The following EYS variants were observed in gnomAD, a reference collection of about 807,000 sequenced individuals.
The protein encoded by EYS is EGF-like photoreceptor maintenance factor, also known as protein eyes shut homolog.
Under a neutral mutation model 282.1 loss-of-function variants are expected in EYS, and 250 were observed. The observed-to-expected ratio is 0.89, with a 90% CI of 0.80 to 0.98. The LOEUF (loss-of-function observed/expected upper bound fraction) is 0.98. Ranked by LOEUF, EYS falls within the 50% of genes least tolerant of loss-of-function variation. The probability of loss-of-function intolerance (pLI) is 0.00; values close to 1 mark genes in which losing one functional copy is unlikely to be tolerated. For synonymous variants in EYS, 1,355 were observed against 1,282.9 expected, an observed-to-expected ratio of 1.06 and a Z score of -1.20; for missense variants, 4,016 against 3,709.0, an observed-to-expected ratio of 1.08 and a Z score of -2.15.
chr6:63,882,035 G>A (rs1482535320), intron 35 of EYS, among the ~76,000 whole-genome samples: 1 of 152,172 alleles, frequency 6.6e-6, no homozygotes, highest in Non-Finnish European at 1.5e-5. Flanking sequence ...TTAAAAAGAA[G>A]AGACACACTA....
intron 31 of EYS, among the ~76,000 whole-genome samples, chr6:64,167,718 T>C (rs1582372993): frequency 6.6e-6 from 1 of 152,238 alleles, no homozygotes; most frequent in East Asian, 1.9e-4. Context: ...ATTATATTAA[T>C]GAAAAGATAA....
chr6:64,886,655 G>C (rs533292568), intron 19 of EYS, 42 bp downstream of exon 19: 1 of 1,451,218 alleles, frequency 6.9e-7, no homozygotes, highest in East Asian at 2.8e-5. Flanking sequence ...TTTGCTTGCA[G>C]ACAGAAATAT....
chr6:64,117,428 T>A (rs966725669), intron 31 of EYS, among the ~76,000 whole-genome samples: 13 of 151,144 alleles, frequency 8.6e-5, no homozygotes, highest in African/African-American at 2.9e-4. Context: ...AACTAAGAGT[T>A]GGTTTTTTAA....
intron 12 of EYS, among the ~76,000 whole-genome samples, chr6:65,253,885 C>T (rs1453919603): frequency 6.6e-6 from 1 of 151,564 alleles, no homozygotes; most frequent in Admixed American, 6.6e-5. Context: ...ATTTTTCAGG[C>T]ATTTCCCCCA....
intron 2 of EYS, among the ~76,000 whole-genome samples, chr6:65,573,961 T>C (rs1465535814): frequency 6.6e-6 from 1 of 152,170 alleles, no homozygotes; most frequent in African/African-American, 2.4e-5. Context: ...GTCCTGGGGC[T>C]GCTCTAACAC....
intron 12 of EYS, among the ~76,000 whole-genome samples, chr6:65,167,496 T>C (rs1765001056): frequency 6.6e-6 from 1 of 151,256 alleles, no homozygotes. Context: ...TACTTTTAAA[T>C]TAAAGATCAC....
chr6:65,085,467 C>T (rs1334193344), intron 12 of EYS, among the ~76,000 whole-genome samples: 1 of 152,144 alleles, frequency 6.6e-6, no homozygotes, highest in Non-Finnish European at 1.5e-5. Context: ...CATCACTGTG[C>T]TTCAAGCCAG....
intron 31 of EYS, among the ~76,000 whole-genome samples, chr6:64,175,137 C>T (rs1022531708): frequency 1.2e-4 from 18 of 152,092 alleles, no homozygotes; most frequent in African/African-American, 4.1e-4. Flanking sequence ...GAATAAGTAT[C>T]TTCTCTTTAG....
intron 26 of EYS, among the ~76,000 whole-genome samples, chr6:64,478,429 A>G (rs1005750532): frequency 6.6e-6 from 1 of 151,528 alleles, no homozygotes; most frequent in Non-Finnish European, 1.5e-5. Flanking sequence ...ATGTTTTTAA[A>G]TATTAAAATT....
At chr6:64,281,641 C>A (rs1176993245) in intron 30 of EYS, among the ~76,000 whole-genome samples, 1 of 152,048 alleles carries the variant, frequency 6.6e-6, no homozygotes, top group Non-Finnish European at 1.5e-5. Flanking sequence ...GGCTGAAAAT[C>A]TTTTAAGCAA....
chr6:64,058,045 T>C (rs146003948), intron 33 of EYS, among the ~76,000 whole-genome samples: 69 of 152,254 alleles, frequency 4.5e-4, no homozygotes, highest in African/African-American at 1.6e-3. Flanking sequence ...GCTGGTCTCA[T>C]AATCTTCCTA....
At chr6:64,824,740 CA>C (rs1465346440) in intron 19 of EYS, among the ~76,000 whole-genome samples, 8 of 151,824 alleles carry the variant, frequency 5.3e-5, no homozygotes, top group Non-Finnish European at 1.5e-5. Context: ...GGAGATTTGA[CA>C]AAAGACACTT....
At chr6:64,596,971 A>G (rs1303091211) in intron 24 of EYS, among the ~76,000 whole-genome samples, 1 of 152,170 alleles carries the variant, frequency 6.6e-6, no homozygotes, top group Admixed American at 6.5e-5. Context: ...CCAACAGGGA[A>G]CTAATATTTA....
chr6:65,147,136 A>G (rs1188126547), intron 12 of EYS, among the ~76,000 whole-genome samples: 1 of 151,968 alleles, frequency 6.6e-6, no homozygotes, highest in East Asian at 1.9e-4. Context: ...TTCTACTTTT[A>G]TTAGATATGA....
chr6:64,543,524 T>C (rs557361130), intron 26 of EYS, among the ~76,000 whole-genome samples: 1 of 152,198 alleles, frequency 6.6e-6, no homozygotes, highest in East Asian at 1.9e-4. Context: ...TAAATTTGGA[T>C]TCTATTTTAT....
chr6:65,639,641 G>C (rs2149812813), intron 2 of EYS, 137 bp downstream of exon 2: 1 of 152,160 alleles, frequency 6.6e-6, no homozygotes, highest in East Asian at 1.9e-4. Flanking sequence ...GATAAAACCT[G>C]AAATTCTCTA....
At chr6:65,429,752 G>A (rs1351599679) in intron 5 of EYS, among the ~76,000 whole-genome samples, 1 of 151,796 alleles carries the variant, frequency 6.6e-6, no homozygotes, top group African/African-American at 2.4e-5. Flanking sequence ...TATTTATGAT[G>A]AGTTTCCAAA....
intron 8 of EYS, among the ~76,000 whole-genome samples, chr6:65,377,907 A>T (rs1255145263): frequency 6.6e-6 from 1 of 152,186 alleles, no homozygotes; most frequent in Non-Finnish European, 1.5e-5. Flanking sequence ...TTGAGGCATT[A>T]ATTAATACCC....
chr6:63,856,530 C>T (rs1316798279), intron 36 of EYS, among the ~76,000 whole-genome samples: 6 of 152,090 alleles, frequency 3.9e-5, no homozygotes, highest in Admixed American at 3.9e-4. Flanking sequence ...AGTCTGTTCT[C>T]TGTGTAAAAG....
Sources: gnomAD v4.1 joint callset for allele counts (sites outside exome capture counted in the v4.1 genomes callset) on GRCh38, gnomAD v4.1.1 for gene constraint, MANE v1.5 for transcripts, NCBI Gene and HGNC (gene_info 2026-07-23, HGNC 2026-07-21) for gene names.